Variants in CADM1 observed in about 807,000 individuals in gnomAD.
The protein encoded by CADM1 is cell adhesion molecule 1, also known as TSLC-1.
In CADM1, 15 loss-of-function variants were observed where a neutral mutation model predicts 53.1. The ratio of observed to expected loss-of-function variants is 0.28; its 90% CI spans 0.19 to 0.44. The LOEUF (loss-of-function observed/expected upper bound fraction) is 0.44, where lower values mean the gene tolerates loss of function less well. Ranked by LOEUF, CADM1 falls within the 20% of genes least tolerant of loss-of-function variation. CADM1 has a pLI of 1.00. For missense variants in CADM1, 434 were observed against 611.3 expected, an observed-to-expected ratio of 0.71 and a Z score of 3.06; for synonymous variants, 281 against 243.0, an observed-to-expected ratio of 1.16 and a Z score of -1.45.
chr11:115,503,376 A>G (rs1949775066), intron 1 of CADM1, among the ~76,000 whole-genome samples: 1 of 152,110 alleles, frequency 6.6e-6, no homozygotes, highest in Non-Finnish European at 1.5e-5. Flanking sequence ...TCACGCAGGG[A>G]GCGCGCGGAG....
At chr11:115,217,740 C>G in intron 6 of CADM1, 152 bp downstream of exon 6, 1 of 692,458 alleles carries the variant, frequency 1.4e-6, no homozygotes, top group Non-Finnish European at 2.7e-6. Flanking sequence ...ATATTTATTT[C>G]CACTCTCACT....
chr11:115,400,659 G>GTATATATATATATATA (rs1160438904), intron 1 of CADM1, among the ~76,000 whole-genome samples: 1 of 38,670 alleles, frequency 2.6e-5, no homozygotes, highest in African/African-American at 8.2e-5. Flanking sequence ...GTGTGTGTGT[G>GTATATATATATATATA]TGTATATATA....
At chr11:115,184,596 G>A (rs1939456990) in intron 10 of CADM1, among the ~76,000 whole-genome samples, 1 of 152,228 alleles carries the variant, frequency 6.6e-6, no homozygotes. Context: ...TTCTTAGAAA[G>A]TGGACGAGAA....
chr11:115,263,137 C>T (rs993082192), intron 1 of CADM1, among the ~76,000 whole-genome samples: 24 of 152,238 alleles, frequency 1.6e-4, no homozygotes, highest in Admixed American at 2.6e-4. Flanking sequence ...AGGTACATGA[C>T]GTCAAAGTCT....
intron 1 of CADM1, among the ~76,000 whole-genome samples, chr11:115,323,768 G>T (rs896623543): frequency 6.6e-6 from 1 of 152,014 alleles, no homozygotes; most frequent in Non-Finnish European, 1.5e-5. Flanking sequence ...TTATAGTATC[G>T]CTTGCCCAAA....
In CADM1 at chr11:115,342,131, T is replaced by C. The variant is rs114357018; in HGVS notation, c.125-101711A>G. ...ATTTGTCCTGTCACTGAAAAATAAG[T>C]AACAACTGGAAAGGCTTTAACTTAC... is the stretch of plus-strand genomic sequence containing the variant. On this transcript the variant is annotated intron_variant, in intron 1 of 11. Transcript: ENST00000331581. Among the ~76,000 whole-genome samples the C allele has an allele frequency of 2.8e-3, 429 of 152,256 alleles. 2 individuals are homozygous for C. The highest frequency in any genetic ancestry group is 9.7e-3 in the African/African-American group (402 of 41,562).
At chr11:115,284,905 T>TAC (rs1277131832) in intron 1 of CADM1, among the ~76,000 whole-genome samples, 3 of 152,252 alleles carry the variant, frequency 2.0e-5, no homozygotes, top group Non-Finnish European at 2.9e-5. Context: ...CCAAAGTCTT[T>TAC]ACTTCCTAGT....
At chr11:115,447,517 C>T (rs1948477177) in intron 1 of CADM1, among the ~76,000 whole-genome samples, 1 of 152,122 alleles carries the variant, frequency 6.6e-6, no homozygotes, top group Admixed American at 6.5e-5. Flanking sequence ...AAATGTTTTT[C>T]CTTTACCCTC....
chr11:115,447,528 G>C (rs368101482), intron 1 of CADM1, among the ~76,000 whole-genome samples: 1 of 151,978 alleles, frequency 6.6e-6, no homozygotes, highest in Admixed American at 6.6e-5. Flanking sequence ...CTTTACCCTC[G>C]GACACAAGGT....
chr11:115,394,842 A>T (rs1302645028), intron 1 of CADM1, among the ~76,000 whole-genome samples: 1 of 152,192 alleles, frequency 6.6e-6, no homozygotes, highest in Non-Finnish European at 1.5e-5. Context: ...AATTTTTTTA[A>T]AAAGTAGAAA....
intron 1 of CADM1, among the ~76,000 whole-genome samples, chr11:115,421,947 C>T (rs1042340504): frequency 2.6e-5 from 4 of 152,160 alleles, no homozygotes; most frequent in Non-Finnish European, 4.4e-5. Context: ...GTCACAGATC[C>T]GCACACAGGC....
intron 1 of CADM1, among the ~76,000 whole-genome samples, chr11:115,291,478 G>A (rs1329615214): frequency 6.6e-6 from 1 of 152,142 alleles, no homozygotes; most frequent in Non-Finnish European, 1.5e-5. Context: ...AAATCAGATA[G>A]ACTCATTCTA....
At chr11:115,380,221 C>CA (rs1946540299) in intron 1 of CADM1, among the ~76,000 whole-genome samples, 1 of 488 alleles carries the variant, frequency 2.0e-3, no homozygotes, top group African/African-American at 8.2e-3. Context: ...AAAATACAAT[C>CA]GGGGGAAGAA....
chr11:115,342,575 G>T (rs1426434558), intron 1 of CADM1, among the ~76,000 whole-genome samples: 1 of 152,070 alleles, frequency 6.6e-6, no homozygotes, highest in Admixed American at 6.6e-5. Context: ...CTATGCCAAG[G>T]ATATGCTTCA....
At chr11:115,448,530 A>G (rs1948502086) in intron 1 of CADM1, among the ~76,000 whole-genome samples, 1 of 152,198 alleles carries the variant, frequency 6.6e-6, no homozygotes, top group Non-Finnish European at 1.5e-5. Context: ...TGATTAATAT[A>G]TAAAACATTA....
chr11:115,504,139 C>A (rs1949797825), intron 1 of CADM1, 132 bp downstream of exon 1: 2 of 1,367,390 alleles, frequency 1.5e-6, no homozygotes, highest in Non-Finnish European at 2.0e-6. Context: ...TGAGTTTCCT[C>A]TCCACACTCC....
intron 5 of CADM1, among the ~76,000 whole-genome samples, chr11:115,221,872 A>G (rs1487343820): frequency 6.6e-6 from 1 of 152,128 alleles, no homozygotes; most frequent in African/African-American, 2.4e-5. Flanking sequence ...CGGGAGACCT[A>G]TTATCCCTGG....
intron 1 of CADM1, among the ~76,000 whole-genome samples, chr11:115,408,490 G>C (rs755547430): frequency 6.6e-6 from 1 of 152,164 alleles, no homozygotes; most frequent in African/African-American, 2.4e-5. Context: ...GATGTGGAGC[G>C]GCCAAAAGCT....
intron 8 of CADM1, among the ~76,000 whole-genome samples, chr11:115,205,834 G>GA (rs1490745439): frequency 6.6e-6 from 1 of 152,004 alleles, no homozygotes; most frequent in Non-Finnish European, 1.5e-5. Flanking sequence ...TTTATAGTTG[G>GA]AAAAAAAATT....
Sources: allele counts gnomAD v4.1 joint callset (sites outside exome capture counted in the v4.1 genomes callset), GRCh38; gene constraint gnomAD v4.1.1; transcripts MANE v1.5; gene names NCBI Gene and HGNC (gene_info 2026-07-23, HGNC 2026-07-21).